The following PRH1 variants were observed in gnomAD, a reference collection of about 807,000 sequenced individuals.
PRH1 encodes the protein salivary acidic proline-rich phosphoprotein 1/2.
Under a neutral mutation model 7.9 loss-of-function variants are expected in PRH1, and 7 were observed. The ratio of observed to expected loss-of-function variants is 0.89; its 90% CI spans 0.50 to 1.67. The LOEUF (loss-of-function observed/expected upper bound fraction) is 1.67. Among genes scored for constraint, PRH1 ranks in the 40% most tolerant of loss-of-function variants. The pLI is 0.00. For missense variants in PRH1, 109 were observed against 223.6 expected (o/e 0.49, Z 3.27); for synonymous variants, 45 against 80.8 (o/e 0.56, Z 2.38).
intron 2 of PRH1, among the ~76,000 whole-genome samples, chr12:10,896,128 T>TA (rs1281106488): frequency 1.3e-5 from 2 of 152,246 alleles, no homozygotes; most frequent in Non-Finnish European, 2.9e-5. Context: ...TCCCTGCTAC[T>TA]ATTGACTCTG....
intron 2 of PRH1, among the ~76,000 whole-genome samples, chr12:10,957,860 G>C (rs1174273097): frequency 6.6e-6 from 1 of 152,088 alleles, no homozygotes; most frequent in Non-Finnish European, 1.5e-5. Flanking sequence ...ACCACAATGA[G>C]ATACTATCTC....
At chr12:11,014,307 C>G (rs1941195879) in intron 1 of PRH1, among the ~76,000 whole-genome samples, 1 of 152,098 alleles carries the variant, frequency 6.6e-6, no homozygotes, top group East Asian at 1.9e-4. Context: ...AGAAGTAGTG[C>G]CCAGTGGATA....
intron 2 of PRH1, among the ~76,000 whole-genome samples, chr12:10,928,025 G>A (rs942199442): frequency 2.6e-5 from 4 of 151,974 alleles, no homozygotes; most frequent in Non-Finnish European, 5.9e-5. Context: ...ATAGTGAGGA[G>A]TACCATACAC....
chr12:11,037,868 T>C (rs1942506195), intron 1 of PRH1, among the ~76,000 whole-genome samples: 1 of 150,732 alleles, frequency 6.6e-6, no homozygotes, highest in Non-Finnish European at 1.5e-5. Context: ...GGCAAAACCT[T>C]GCCTCTAAAA....
chr12:10,976,112 A>C (rs1365884473), intron 1 of PRH1, among the ~76,000 whole-genome samples: 1 of 152,188 alleles, frequency 6.6e-6, no homozygotes, highest in Non-Finnish European at 1.5e-5. Context: ...AAAAGAACAG[A>C]ACACACATTC....
At chr12:11,114,678 C>T (rs1037356124) in intron 1 of PRH1, among the ~76,000 whole-genome samples, 8 of 151,956 alleles carry the variant, frequency 5.3e-5, no homozygotes, top group Non-Finnish European at 8.8e-5. Context: ...CCACAACAAC[C>T]TTTGAATACA....
At chr12:11,137,495 T>C (rs189234484) in intron 1 of PRH1, among the ~76,000 whole-genome samples, 1 of 152,356 alleles carries the variant, frequency 6.6e-6, no homozygotes, top group Admixed American at 6.5e-5. Context: ...AATCTGGTCC[T>C]AAAACTCTCT....
chr12:11,169,653 T>C (rs750385517), intron 1 of PRH1, among the ~76,000 whole-genome samples: 1 of 152,232 alleles, frequency 6.6e-6, no homozygotes, highest in Non-Finnish European at 1.5e-5. Flanking sequence ...CCTGTGACTC[T>C]GAATGGCTCT....
At chr12:10,941,555 ATTATTTATTTATTATTAAAAT>A (rs1428564251) in intron 2 of PRH1, among the ~76,000 whole-genome samples, 9 of 132,090 alleles carry the variant, frequency 6.8e-5, no homozygotes, top group Non-Finnish European at 9.6e-5. Context: ...ATTAAAATTT[ATTATTTATTTATTATTAAAAT>A]TTATTATTTA....
intron 2 of PRH1, among the ~76,000 whole-genome samples, chr12:10,953,799 GAC>G (rs1937808209): frequency 6.6e-6 from 1 of 151,976 alleles, no homozygotes; most frequent in Admixed American, 6.6e-5. Flanking sequence ...ATATACCCAA[GAC>G]ACATAGTCAT....
In PRH1 at chr12:10,986,414, C is replaced by T. The variant is rs750707976; in HGVS notation, c.-125-12693G>A. On this transcript the variant is annotated intron_variant, in intron 1 of 3. Coordinates refer to the PRH1 transcript ENST00000539853. ...ATTCTTCTGCCCACATACTCTCATC[C>T]ATGTTTGCCACAAGAAGATGACAAA... 3.1e-6 allele frequency: 5 copies of T among 1,614,054 alleles called. No homozygotes were observed. In the South Asian group the frequency reaches 5.5e-5, roughly 18 times the overall value.
At chr12:11,060,209 T>C (rs1943527852) in intron 1 of PRH1, among the ~76,000 whole-genome samples, 1 of 152,162 alleles carries the variant, frequency 6.6e-6, no homozygotes, top group Non-Finnish European at 1.5e-5. Context: ...ATAATAGAAC[T>C]TCCTATTAAT....
Position 11,148,195 on chromosome 12 carries a change from A to G in PRH1, n.39+23227T>C, listed in dbSNP as rs954919036. Among the ~76,000 whole-genome samples, 6 of 146,742 alleles carry G rather than the reference A, an allele frequency of 4.1e-5. 1 individual carries two copies. Among genetic ancestry groups the G allele is most frequent in the African/African-American group, 1.5e-4 (6 of 40,294 alleles). ...GCTTAACGAGATTTTGGGCTGAGACAATGGGATTTTCTAGATATACAATCA... is the reference window on the plus strand; with the variant it reads ...GCTTAACGAGATTTTGGGCTGAGACGATGGGATTTTCTAGATATACAATCA... On this transcript the variant is annotated intron_variant and non_coding_transcript_variant, in intron 1 of 1. Transcript: ENST00000541175.
At chr12:11,062,497 G>A (rs1477275444) in intron 1 of PRH1, among the ~76,000 whole-genome samples, 2 of 151,998 alleles carry the variant, frequency 1.3e-5, no homozygotes, top group Non-Finnish European at 1.5e-5. Context: ...TCTCTTTATG[G>A]AAAATATTCT....
intron 1 of PRH1, among the ~76,000 whole-genome samples, chr12:11,131,352 T>C (rs1317531379): frequency 6.6e-6 from 1 of 152,194 alleles, no homozygotes; most frequent in Non-Finnish European, 1.5e-5. Flanking sequence ...TCACCACACA[T>C]TGTTTCACAT....
intron 1 of PRH1, among the ~76,000 whole-genome samples, chr12:11,115,526 A>G (rs767083768): frequency 6.6e-6 from 1 of 152,162 alleles, no homozygotes; most frequent in Non-Finnish European, 1.5e-5. Flanking sequence ...ATCAGACTTA[A>G]TCTGCAGTAT....
chr12:11,028,441 C>T (rs930814110), intron 1 of PRH1, among the ~76,000 whole-genome samples: 2 of 152,162 alleles, frequency 1.3e-5, no homozygotes, highest in African/African-American at 2.4e-5. Context: ...TACCAGACAT[C>T]ACCACACATT....
chr12:10,976,667 T>A (rs1939113767), intron 1 of PRH1, among the ~76,000 whole-genome samples: 1 of 149,092 alleles, frequency 6.7e-6, no homozygotes. Context: ...GATAGAACAC[T>A]AGCCACAATG....
chr12:11,065,746 T>A (rs1591934356), intron 1 of PRH1, among the ~76,000 whole-genome samples: 1 of 152,222 alleles, frequency 6.6e-6, no homozygotes, highest in Non-Finnish European at 1.5e-5. Flanking sequence ...ACACCTGACA[T>A]GAAAATTGTA....
Sources: gnomAD v4.1 joint callset for allele counts (sites outside exome capture counted in the v4.1 genomes callset) on GRCh38, gnomAD v4.1.1 for gene constraint, MANE v1.5 for transcripts, NCBI Gene and HGNC (gene_info 2026-07-23, HGNC 2026-07-21) for gene names.